Variants in STPG2 observed in about 807,000 individuals in gnomAD.
STPG2 encodes the protein sperm-tail PG-rich repeat-containing protein 2.
Under a neutral mutation model 54.2 loss-of-function variants are expected in STPG2, and 56 were observed. The observed-to-expected ratio is 1.03, with a 90% confidence interval of 0.83 to 1.29. STPG2 has a LOEUF of 1.29. Among genes scored for constraint, STPG2 ranks in the 50% most tolerant of loss-of-function variants. STPG2 has a pLI of 0.00. For missense variants in STPG2, 596 were observed against 544.9 expected, an observed-to-expected ratio of 1.09 and a Z score of -0.93; for synonymous variants, 200 against 181.8, an observed-to-expected ratio of 1.10 and a Z score of -0.81.
chr4:97,461,424 G>C (rs192777005), intron 4 of STPG2, among the ~76,000 whole-genome samples: 1 of 152,162 alleles, frequency 6.6e-6, no homozygotes, highest in Non-Finnish European at 1.5e-5. Flanking sequence ...ATTAGATCAC[G>C]ATGGTTGAGC....
intron 10 of STPG2, among the ~76,000 whole-genome samples, chr4:97,635,231 A>G (rs1721467220): frequency 6.6e-6 from 1 of 152,318 alleles, no homozygotes; most frequent in East Asian, 1.9e-4. Flanking sequence ...TTTCATATCC[A>G]GCCAAACTAA....
intron 8 of STPG2, among the ~76,000 whole-genome samples, chr4:97,862,131 T>A (rs1013509106): frequency 6.6e-6 from 1 of 151,784 alleles, no homozygotes; most frequent in African/African-American, 2.4e-5. Context: ...GACTGGCAAA[T>A]TGGATAAAGA....
At position 98,008,338 on chromosome 4, in the gene STPG2, C is replaced by A. The variant is rs1212977877; in HGVS notation, c.613-27020G>T. Among the ~76,000 whole-genome samples the A allele has an allele frequency of 3.3e-5, 5 of 151,846 alleles. No homozygotes were observed. The East Asian group carries it at 9.6e-4, about 29-fold the overall frequency. On this transcript the variant is annotated intron_variant, in intron 5 of 10. Coordinates refer to ENST00000295268, the MANE Select transcript of STPG2 (RefSeq NM_174952.3). ...AAGCTATCAAGCATAAATTTTACAG[C>A]CTGTCAGAATAACCTTCACAAATGA...
rs34882013 is a variant in STPG2, at chr4:98,089,712, C to CT, written c.612+16240dup. 5.3e-3 allele frequency among the ~76,000 whole-genome samples: 776 copies of CT among 146,376 alleles called. 6 individuals carry two copies. The highest frequency in any genetic ancestry group is 0.016 in the African/African-American group (624 of 39,546). On this transcript the variant is annotated intron_variant, in intron 5 of 10. Coordinates refer to ENST00000295268, the MANE Select transcript of STPG2 (RefSeq NM_174952.3). The stretch of plus-strand genomic sequence containing the variant: ...CTTTTCGCTAGATCCATGCCAACAT[C>CT]TTTTTTTTTTTTTACTTTCTAATTA...
chr4:97,801,611 A>G (rs946379125), intron 9 of STPG2, among the ~76,000 whole-genome samples: 3 of 152,204 alleles, frequency 2.0e-5, no homozygotes, highest in Non-Finnish European at 2.9e-5. Context: ...AAATAAAATT[A>G]TAGCAGAAAG....
At chr4:97,929,409 G>T (rs1165478081) in intron 8 of STPG2, among the ~76,000 whole-genome samples, 1 of 152,130 alleles carries the variant, frequency 6.6e-6, no homozygotes, top group East Asian at 1.9e-4. Context: ...AGATTGCTGG[G>T]TTGAATGGGA....
intron 10 of STPG2, among the ~76,000 whole-genome samples, chr4:97,665,400 A>G (rs1722493782): frequency 6.6e-6 from 1 of 152,168 alleles, no homozygotes. Context: ...TCCTTTCTGT[A>G]GCGAGGATGT....
At chr4:97,633,596 T>C (rs1253576481) in intron 10 of STPG2, 1 of 152,028 alleles carries the variant, frequency 6.6e-6, no homozygotes, top group African/African-American at 2.4e-5. Context: ...TTCATCTCAC[T>C]AGGGAGTGCC....
At chr4:97,691,753 C>A (rs1447620335) in intron 10 of STPG2, among the ~76,000 whole-genome samples, 1 of 152,124 alleles carries the variant, frequency 6.6e-6, no homozygotes, top group Non-Finnish European at 1.5e-5. Flanking sequence ...CAAAACCAGT[C>A]CACGTAACAA....
At chr4:97,562,638 G>T (rs1205635922) in intron 10 of STPG2, among the ~76,000 whole-genome samples, 1 of 152,122 alleles carries the variant, frequency 6.6e-6, no homozygotes, top group African/African-American at 2.4e-5. Flanking sequence ...TTTCTTGAGA[G>T]TTTTTAGCAT....
At chr4:97,735,211 G>A (rs1451768559) in intron 9 of STPG2, among the ~76,000 whole-genome samples, 1 of 151,576 alleles carries the variant, frequency 6.6e-6, no homozygotes, top group Non-Finnish European at 1.5e-5. Context: ...TATATGCAGG[G>A]TTATATATAT....
At chr4:98,125,674 C>T (rs1325852743) in intron 3 of STPG2, among the ~76,000 whole-genome samples, 3 of 152,230 alleles carry the variant, frequency 2.0e-5, no homozygotes, top group Non-Finnish European at 2.9e-5. Context: ...CTTAAAGAAG[C>T]AGTCTGGCCA....
intron 10 of STPG2, among the ~76,000 whole-genome samples, chr4:97,688,289 A>T (rs551394831): frequency 6.6e-6 from 1 of 152,198 alleles, no homozygotes; most frequent in African/African-American, 2.4e-5. Context: ...AAGAAAATAA[A>T]TGTATAAATA....
At chr4:97,903,798 G>A (rs62318642) in intron 8 of STPG2, among the ~76,000 whole-genome samples, 56,787 of 152,094 alleles carry the variant, frequency 0.37, 10,685 homozygotes, top group Middle Eastern at 0.46. Context: ...AAGCGCAAGG[G>A]GTCAGGGAGT....
At chr4:97,990,514 C>G (rs1305536926) in intron 5 of STPG2, among the ~76,000 whole-genome samples, 2 of 152,042 alleles carry the variant, frequency 1.3e-5, no homozygotes, top group Non-Finnish European at 2.9e-5. Context: ...AAATACATAG[C>G]CCCCCAGTTC....
intron 9 of STPG2, among the ~76,000 whole-genome samples, chr4:97,715,543 T>G (rs1288790671): frequency 2.6e-5 from 4 of 152,170 alleles, no homozygotes; most frequent in Non-Finnish European, 5.9e-5. Context: ...TATGAACATC[T>G]TGGTACATTA....
intron 9 of STPG2, among the ~76,000 whole-genome samples, chr4:97,722,964 A>ATTTTTTTTTTTTT (rs3974903): frequency 8.6e-6 from 1 of 116,366 alleles, no homozygotes; most frequent in Non-Finnish European, 1.7e-5. Flanking sequence ...CACCCGGCTA[A>ATTTTTTTTTTTTT]TTTTTTTTTT....
rs576550226 is a variant in STPG2 at position 97,565,841 on chromosome 4, C to T, written c.1321-6724G>A. On this transcript the variant is annotated intron_variant, in intron 10 of 10. Transcript: ENST00000295268. ...GGCCGTGTGAGGTGTCATTCTGCCG[C>T]TACTGGGGGGTGCCTCCCAGTTAGG... is the stretch of plus-strand genomic sequence containing the variant. Among the ~76,000 whole-genome samples the T allele has an allele frequency of 5.5e-3, 630 of 114,654 alleles. 3 individuals are homozygous for T. The highest frequency in any genetic ancestry group is 0.036 in the South Asian group (98 of 2,742). 75.2% of individuals were successfully genotyped at this position (114,654 alleles called of 152,430 possible). A position where few individuals can be genotyped will look rare whatever the true frequency, so the allele number is the denominator to read the frequency against.
chr4:97,534,205 T>G (rs528506513), intron 4 of STPG2, among the ~76,000 whole-genome samples: 11 of 152,278 alleles, frequency 7.2e-5, no homozygotes, highest in African/African-American at 2.6e-4. Context: ...GTTCATACTT[T>G]TTATATTGTT....
Sources: gnomAD v4.1 joint callset for allele counts (sites outside exome capture counted in the v4.1 genomes callset) on GRCh38, gnomAD v4.1.1 for gene constraint, MANE v1.5 for transcripts, NCBI Gene and HGNC (gene_info 2026-07-23, HGNC 2026-07-21) for gene names.